The following CIITA variants were observed in gnomAD, a reference collection of about 807,000 sequenced individuals.
The protein encoded by CIITA is MHC class II transactivator.
In CIITA, 72 loss-of-function variants were observed where a neutral mutation model predicts 115.1. The ratio of observed to expected loss-of-function variants is 0.63; its 90% CI spans 0.52 to 0.76. The LOEUF is 0.76. CIITA is among the 30% of genes least tolerant of loss of function. The pLI is 0.00. For synonymous variants in CIITA, 763 were observed against 635.6 expected (o/e 1.20, Z -3.02); for missense variants, 1,617 against 1,463.8 (o/e 1.10, Z -1.71).
chr16:10,902,686 C>A lies in CIITA; in HGVS notation c.657C>A (p.Cys219Ter). The change falls in exon 8 of 20, where the codon TGC (cysteine) becomes TGA (stop). Residue 219 changes from cysteine to a stop codon, truncating the protein, a stop_gained. Coordinates refer to ENST00000324288, the MANE Select transcript of CIITA (RefSeq NM_000246.4). LOFTEE classifies it high-confidence loss of function. Reference protein sequence around the residue: ...PMPFSSSSLSCLNLPEGPIQF... With the variant: ...PMPFSSSSLS ...CTTTCTCCAGTTCCTCGTTGAGCTG[C>A]CTGAATCTCCCTGAGGGACCCATCC... The A allele has an allele frequency of 6.2e-7, 1 of 1,614,256 alleles. No individual in the cohort carries two copies. The highest frequency in any genetic ancestry group is 8.5e-7 in the Non-Finnish European group (1 of 1,180,048).
rs2041136699 is a variant in CIITA at position 10,942,833 on chromosome 16, A to T, written n.1959A>T. 1 of 152,196 alleles carries T rather than the reference A, an allele frequency of 6.6e-6. No individual in the cohort carries two copies. Among genetic ancestry groups the T allele is most frequent in the African/African-American group, 2.4e-5 (1 of 41,440 alleles). 9.4% of individuals were successfully genotyped at this position (152,196 alleles called of 1,614,324 possible). On this transcript the variant is annotated non_coding_transcript_exon_variant, in exon 2 of 2. Coordinates refer to the CIITA transcript ENST00000573379. This position sits in a 1 kb window ranked among gnomAD's most constrained non-coding sequence, Gnocchi z 5.0. ...AAGGAGGCGGGGTCGGGGAGGGGCG[A>T]CGGACGGTTGCCCTGGAAATTTTGG...
chr16:10,888,008 C>T (rs1305662442), intron 1 of CIITA, among the ~76,000 whole-genome samples: 1 of 152,198 alleles, frequency 6.6e-6, no homozygotes, highest in African/African-American at 2.4e-5. Context: ...TTGCCGTTAA[C>T]AGTTGAAACA....
chr16:10,917,548 C>A (rs2040023534), intron 15 of CIITA, among the ~76,000 whole-genome samples: 1 of 148,692 alleles, frequency 6.7e-6, no homozygotes. Flanking sequence ...GTGGTACGAT[C>A]TATTTATTGC....
rs762597561 is a variant in CIITA, at chr16:10,906,512, G to A, written c.1020G>A (p.Gln340=). The A allele has an allele frequency of 6.2e-7, 1 of 1,612,006 alleles. No individual in the cohort carries two copies. The highest frequency in any genetic ancestry group is 8.5e-7 in the Non-Finnish European group (1 of 1,179,906). ...KLPKWPEPVE[Q]FYRSLQDTYG... ...TGGCCTTTGCAGAGCCGGTGGAGCAGTTCTACCGCTCACTGCAGGACACGT... is the reference window on the plus strand; with the variant it reads ...TGGCCTTTGCAGAGCCGGTGGAGCAATTCTACCGCTCACTGCAGGACACGT... Residue 340 remains glutamine, a synonymous_variant, in exon 11 of 20, where the codon CAG becomes CAA. Coordinates refer to ENST00000324288, the MANE Select transcript of CIITA (RefSeq NM_000246.4).
intron 1 of CIITA, among the ~76,000 whole-genome samples, chr16:10,883,322 G>A (rs534773824): frequency 6.6e-6 from 1 of 152,228 alleles, no homozygotes; most frequent in South Asian, 2.1e-4. Flanking sequence ...GCTATCTGGA[G>A]CTGGGACAGA....
rs2036224153 is a variant in CIITA at position 10,879,698 on chromosome 16, TGGGGCCCTGAG to T, written c.52+2317_52+2327del. ...GATCTCTCACTTCTCTACCTCGCTTTGGGGCCCTGAGTCACACCCTCTAAGGAGAGAGGCTA... is the reference window on the plus strand; with the variant it reads ...GATCTCTCACTTCTCTACCTCGCTTTTCACACCCTCTAAGGAGAGAGGCTA... On this transcript the variant is annotated intron_variant, in intron 1 of 19. Transcript: ENST00000324288. The surrounding 1 kb of genome is among the most constrained non-coding windows in gnomAD (Gnocchi z 4.3). Among the ~76,000 whole-genome samples the T allele has an allele frequency of 6.6e-6, 1 of 152,182 alleles. No individual in the cohort carries two copies. The highest frequency in any genetic ancestry group is 2.4e-5 in the African/African-American group (1 of 41,446).
In CIITA at chr16:10,902,094, T is replaced by C. The variant is rs756773331; in HGVS notation, c.538T>C (p.Ser180Pro). 1.2e-6 allele frequency: 2 copies of C among 1,614,116 alleles called. No homozygotes were observed. The highest frequency in any genetic ancestry group is 1.7e-6 in the Non-Finnish European group (2 of 1,180,010). The part of the protein sequence containing the change: ...SLLVGPVSDC[S>P]TLPCLPLPAL... ...CCTAGTGGGACCAGTGAGCGACTGC[T>C]CCACCCTGCCCTGCCTGCCACTGCC... Residue 180 changes from serine to proline, a missense_variant, in exon 7 of 20, where the codon TCC becomes CCC. Ser to Pro is a moderately conservative substitution (Grantham distance 74). Coordinates refer to ENST00000324288, the MANE Select transcript of CIITA (RefSeq NM_000246.4).
rs1366156053 is a variant in CIITA at position 10,929,521 on chromosome 16, A to C, written c.*5666A>C. ...TTCCACTCTCCTGGGTTCAAACAGG[A>C]ACCTCTCTGTTGGCACGAAGCTTTT... On this transcript the variant is annotated 3_prime_UTR_variant, in exon 20 of 20. Coordinates refer to ENST00000324288, the MANE Select transcript of CIITA (RefSeq NM_000246.4). The surrounding 1 kb of genome is among the most constrained non-coding windows in gnomAD (Gnocchi z 4.3). The C allele has an allele frequency of 1.0e-6, 1 of 985,440 alleles. No homozygotes were observed. The highest frequency in any genetic ancestry group is 1.2e-6 in the Non-Finnish European group (1 of 829,954). The allele number at this position is 985,440 out of a possible 1,614,324, so 61.0% of individuals were successfully genotyped here.
Position 10,895,373 on chromosome 16 carries a change from C to T in CIITA, c.144C>T (p.Tyr48=), listed in dbSNP as rs778419927. 1.2e-6 allele frequency: 2 copies of T among 1,613,866 alleles called. No homozygotes were observed. Among genetic ancestry groups the T allele is most frequent in the Admixed American group, 3.3e-5 (2 of 60,024 alleles). ...GCGATGCTGACCCCCTGTGCCTCTA[C>T]CACTTCTATGACCAGATGGACCTGG... ...LNSDADPLCL[Y]HFYDQMDLAG... Residue 48 remains tyrosine (Y), a synonymous_variant, in exon 2 of 20, where the codon TAC becomes TAT. Transcript: ENST00000324288.
At chr16:10,908,552 A>T in intron 11 of CIITA, 1 of 412,722 alleles carries the variant, frequency 2.4e-6, no homozygotes, top group Non-Finnish European at 4.5e-6. Context: ...TCCATTTTGT[A>T]TTCAGCAACC....
Position 10,920,156 on chromosome 16 carries a change from GGTCACAAGAGGTATTTGCA to G in CIITA, c.3149+1633_3149+1651del, listed in dbSNP as rs1481619876. On this transcript the variant is annotated intron_variant, in intron 16 of 19. Coordinates refer to ENST00000324288, the MANE Select transcript of CIITA (RefSeq NM_000246.4). The surrounding 1 kb of genome is among the most constrained non-coding windows in gnomAD (Gnocchi z 4.5). ...CAGATCACACAGGGAGGCCCTTGTG[GGTCACAAGAGGTATTTGCA>G]GTTTTTCAGTGTGAATGGAAAAGTA... Among the ~76,000 whole-genome samples the G allele has an allele frequency of 6.6e-6, 1 of 152,206 alleles. No individual in the cohort carries two copies. The highest frequency in any genetic ancestry group is 6.5e-5 in the Admixed American group (1 of 15,284).
intron 1 of CIITA, among the ~76,000 whole-genome samples, chr16:10,887,140 T>C (rs2037031591): frequency 6.6e-6 from 1 of 152,158 alleles, no homozygotes; most frequent in Non-Finnish European, 1.5e-5. Context: ...AGAAGCTGTT[T>C]GGGGTCTGGT....
chr16:10,918,808 C>T (rs2040106468), intron 16 of CIITA, among the ~76,000 whole-genome samples: 2 of 152,320 alleles, frequency 1.3e-5, no homozygotes, highest in South Asian at 4.1e-4. Flanking sequence ...TGCTCCTTTT[C>T]CCCCAGGGAT....
In CIITA at chr16:10,923,210, T is replaced by A; in HGVS notation, c.3318-18T>A. The A allele has an allele frequency of 6.2e-7, 1 of 1,611,512 alleles. No homozygotes were observed. The highest frequency in any genetic ancestry group is 1.3e-5 in the African/African-American group (1 of 75,008). On this transcript the variant is annotated intron_variant, in intron 18 of 19. Coordinates refer to ENST00000324288, the MANE Select transcript of CIITA (RefSeq NM_000246.4). The surrounding 1 kb of genome is among the most constrained non-coding windows in gnomAD (Gnocchi z 5.2). Reference sequence around the variant, plus strand: ...CTCTCTCCTCTAACCTGGCTCTGAGTCCCATCCCCCCTTGCAGGATGTGGA... The same window carrying A: ...CTCTCTCCTCTAACCTGGCTCTGAGACCCATCCCCCCTTGCAGGATGTGGA...
In CIITA at chr16:10,895,417, A is replaced by C. The variant is rs372707984; in HGVS notation, c.188A>C (p.Glu63Ala). The C allele has an allele frequency of 1.1e-5, 18 of 1,613,550 alleles. No individual in the cohort carries two copies. The highest frequency in any genetic ancestry group is 1.5e-5 in the Non-Finnish European group (18 of 1,180,010). Residue 63 changes from glutamate (E) to alanine (A), a missense_variant, in exon 2 of 20, where the codon GAG becomes GCG. Glu to Ala is a moderately radical substitution (Grantham distance 107). Coordinates refer to ENST00000324288, the MANE Select transcript of CIITA (RefSeq NM_000246.4). ...GACCTGGCTGGAGAAGAAGAGATTG[A>C]GCTCTACTCAGGTGGGCCCTCCTCC... ...QMDLAGEEEI[E>A]LYSEPDTDTI... is the part of the protein sequence containing the mutation.
At chr16:10,893,924 C>G (rs182316806) in intron 1 of CIITA, among the ~76,000 whole-genome samples, 103 of 151,324 alleles carry the variant, frequency 6.8e-4, no homozygotes, top group African/African-American at 2.3e-3. Flanking sequence ...TCATCACCCC[C>G]TAAAGAAACT....
chr16:10,895,995 T>A lies in CIITA; in HGVS notation c.295+231T>A, dbSNP rs74007574. Among the ~76,000 whole-genome samples the A allele has an allele frequency of 2.6e-5, 4 of 152,098 alleles. No homozygotes were observed. The South Asian group carries it at 6.2e-4, about 24-fold the overall frequency. ...ACTAATGACCACCAAGAAAACAAAA[T>A]CTCATGTTTACATCCTCCACCTCCA... On this transcript the variant is annotated intron_variant, in intron 3 of 19. Coordinates refer to ENST00000324288, the MANE Select transcript of CIITA (RefSeq NM_000246.4).
At position 10,923,154 on chromosome 16, in the gene CIITA, G is replaced by A. The variant is rs2040366024; in HGVS notation, c.3318-74G>A. On this transcript the variant is annotated intron_variant, in intron 18 of 19. Coordinates refer to ENST00000324288, the MANE Select transcript of CIITA (RefSeq NM_000246.4). This position sits in a 1 kb window ranked among gnomAD's most constrained non-coding sequence, Gnocchi z 5.2. ...TAGGCTGGGTGGAAGGAGGGATTTGGGGGCAGCTGTCACTGGGGCCCCAGG... is the reference window on the plus strand; with the variant it reads ...TAGGCTGGGTGGAAGGAGGGATTTGAGGGCAGCTGTCACTGGGGCCCCAGG... 1 of 1,236,394 alleles carries A rather than the reference G, an allele frequency of 8.1e-7. No individual in the cohort carries two copies. Among genetic ancestry groups the A allele is most frequent in the Non-Finnish European group, 1.2e-6 (1 of 844,234 alleles). The allele number at this position is 1,236,394 out of a possible 1,614,324, so 76.6% of individuals were successfully genotyped here.
rs2040214129 is a variant in CIITA, at chr16:10,920,525, G to A, written c.3150-1642G>A. 6.6e-6 allele frequency among the ~76,000 whole-genome samples: 1 copy of A among 152,206 alleles called. No homozygotes were observed. On this transcript the variant is annotated intron_variant, in intron 16 of 19. Transcript: ENST00000324288. The surrounding 1 kb of genome is among the most constrained non-coding windows in gnomAD (Gnocchi z 4.5). ...GCCTTCCAAAGTGCTGGGATTACGG[G>A]TGTGAGCCACCATGCCCAGCCTGAT... is the stretch of plus-strand genomic sequence containing the variant.
Sources: allele counts gnomAD v4.1 joint callset (sites outside exome capture counted in the v4.1 genomes callset), GRCh38; gene constraint gnomAD v4.1.1; non-coding constraint Gnocchi (gnomAD v3.1); transcripts MANE v1.5; gene names NCBI Gene and HGNC (gene_info 2026-07-23, HGNC 2026-07-21).